SUPT3H: variants seen among roughly 807,000 people sequenced by gnomAD.
The protein encoded by SUPT3H is SPT3 homolog, SAGA and STAGA complex component, also known as transcription initiation protein SPT3 homolog.
SUPT3H carries 44 observed loss-of-function variants against 44.3 expected under a neutral mutation model. That is an observed-to-expected ratio of 0.99 (90% CI 0.78 to 1.28). SUPT3H has a LOEUF of 1.28. Among genes scored for constraint, SUPT3H ranks in the 50% most tolerant of loss-of-function variants. The pLI is 0.00. For synonymous variants in SUPT3H, 124 were observed against 125.6 expected, an observed-to-expected ratio of 0.99 and a Z score of 0.09; for missense variants, 380 against 387.1, an observed-to-expected ratio of 0.98 and a Z score of 0.15.
At position 44,932,653 on chromosome 6, in the gene SUPT3H, T is replaced by A. The variant is rs778747844; in HGVS notation, c.912A>T (p.Thr304=). 1.2e-6 allele frequency: 2 copies of A among 1,601,814 alleles called. No individual in the cohort carries two copies. The highest frequency in any genetic ancestry group is 1.7e-6 in the Non-Finnish European group (2 of 1,172,792). Residue 304 remains threonine (T), a splice_region_variant and synonymous_variant, in exon 10 of 11, where the codon ACA becomes ACT. Coordinates refer to ENST00000371459, the MANE Select transcript of SUPT3H (RefSeq NM_003599.4). Reference sequence around the variant, plus strand: ...TTTTTATAACTCTGTTATTACGTACTGTGAATGGGGAAAGTGGGCCAATCC... The same window carrying A: ...TTTTTATAACTCTGTTATTACGTACAGTGAATGGGGAAAGTGGGCCAATCC... The part of the protein sequence containing the change: ...SHRIGPLSPF[T]NAYRRNGMAF...
At chr6:44,835,184 C>T (rs1769599499) in intron 10 of SUPT3H, among the ~76,000 whole-genome samples, 1 of 152,072 alleles carries the variant, frequency 6.6e-6, no homozygotes, top group South Asian at 2.1e-4. Flanking sequence ...TGGCTATGCT[C>T]AGTATCTGAT....
At chr6:45,172,596 T>A (rs397832915) in intron 2 of SUPT3H, among the ~76,000 whole-genome samples, 403 of 3,864 alleles carry the variant, frequency 0.1, 3 homozygotes, top group African/African-American at 0.3. Context: ...TAGATATATT[T>A]TTTTTTTTTT....
chr6:44,829,972 A>G, intron 10 of SUPT3H, 115 bp from the exon 11 acceptor site: 1 of 893,028 alleles, frequency 1.1e-6, no homozygotes, highest in Non-Finnish European at 1.8e-6. Context: ...GCTACAATCT[A>G]ATAGAATGCT....
At chr6:45,020,124 A>G (rs1259561897) in intron 4 of SUPT3H, among the ~76,000 whole-genome samples, 1 of 152,020 alleles carries the variant, frequency 6.6e-6, no homozygotes, top group Non-Finnish European at 1.5e-5. Flanking sequence ...GTAGAGCTAC[A>G]GACTAAACTT....
Position 45,105,906 on chromosome 6 carries a change from T to C in SUPT3H, c.186+16A>G, listed in dbSNP as rs1246204888. 1.9e-6 allele frequency: 3 copies of C among 1,597,408 alleles called. No homozygotes were observed. The African/African-American group carries it at 4.0e-5, about 21-fold the overall frequency. On this transcript the variant is annotated intron_variant, in intron 3 of 10. Coordinates refer to ENST00000371459, the MANE Select transcript of SUPT3H (RefSeq NM_003599.4). ...TGCAGAGAAGAGAAACCAAATCAAA[T>C]TATATATGCTCTTACCAGATTAATT...
At chr6:45,068,496 G>A (rs939628720) in intron 3 of SUPT3H, among the ~76,000 whole-genome samples, 24 of 152,018 alleles carry the variant, frequency 1.6e-4, no homozygotes, top group Non-Finnish European at 2.8e-4. Flanking sequence ...GGGATGGGTA[G>A]AGATAAGGAT....
At chr6:44,958,938 C>T (rs561739854) in intron 7 of SUPT3H, among the ~76,000 whole-genome samples, 3 of 140,026 alleles carry the variant, frequency 2.1e-5, no homozygotes, top group Non-Finnish European at 3.0e-5. Context: ...TGCAATGGCG[C>T]GATCTCGGCT....
chr6:44,932,216 T>G (rs1340684100), intron 10 of SUPT3H, among the ~76,000 whole-genome samples: 19 of 152,184 alleles, frequency 1.2e-4, no homozygotes, highest in Non-Finnish European at 1.5e-5. Context: ...GCATTTCAGC[T>G]TAGTTCAAAG....
rs1205511889 is a variant in SUPT3H at position 45,355,138 on chromosome 6, C to CT, written c.101+10062dup. Among the ~76,000 whole-genome samples, 411 of 131,636 alleles carry CT rather than the reference C, an allele frequency of 3.1e-3. 4 individuals carry two copies. The highest frequency in any genetic ancestry group is 0.015 in the Middle Eastern group (4 of 260). The allele number at this position is 131,636 out of a possible 152,430, so 86.4% of individuals were successfully genotyped here. A position where few individuals can be genotyped will look rare whatever the true frequency, so the allele number is the denominator to read the frequency against. On this transcript the variant is annotated intron_variant, in intron 2 of 10. Transcript: ENST00000371459. ...CACAGGAGCATGCCAAAAGACCTGG[C>CT]TTTTTTTTTTTTTTTTAGAGATGGG...
chr6:45,373,456 T>C (rs1297427910), intron 1 of SUPT3H, among the ~76,000 whole-genome samples: 1 of 152,066 alleles, frequency 6.6e-6, no homozygotes, highest in Non-Finnish European at 1.5e-5. Context: ...ATGTTGGTTC[T>C]CCCTTAGCAG....
intron 2 of SUPT3H, among the ~76,000 whole-genome samples, chr6:45,117,424 A>T (rs574787232): frequency 3.9e-5 from 6 of 152,226 alleles, no homozygotes; most frequent in African/African-American, 1.4e-4. Flanking sequence ...ACTGATATCA[A>T]TTGTGAGCTC....
chr6:45,200,399 T>A (rs1410970869), intron 2 of SUPT3H, among the ~76,000 whole-genome samples: 1 of 151,504 alleles, frequency 6.6e-6, no homozygotes, highest in Non-Finnish European at 1.5e-5. Flanking sequence ...ATTACATTAA[T>A]AAAAAATTAA....
At chr6:44,975,902 T>C (rs920834057) in intron 6 of SUPT3H, among the ~76,000 whole-genome samples, 3 of 152,016 alleles carry the variant, frequency 2.0e-5, no homozygotes, top group African/African-American at 4.8e-5. Context: ...AAGGAAACAA[T>C]GCCACCAGTG....
chr6:44,937,896 CTATCTT>C (rs1771729367), intron 9 of SUPT3H, among the ~76,000 whole-genome samples: 3 of 128,474 alleles, frequency 2.3e-5, no homozygotes, highest in Non-Finnish European at 3.2e-5. Context: ...TCTTTGCTCA[CTATCTT>C]TTTTTTTTTT....
chr6:44,982,971 T>C (rs1779309974), intron 6 of SUPT3H, among the ~76,000 whole-genome samples: 1 of 152,114 alleles, frequency 6.6e-6, no homozygotes, highest in Non-Finnish European at 1.5e-5. Flanking sequence ...CCAATCACCA[T>C]GGGATTCACA....
chr6:45,248,050 CT>C (rs2153650976), intron 2 of SUPT3H, among the ~76,000 whole-genome samples: 1 of 152,196 alleles, frequency 6.6e-6, no homozygotes, highest in East Asian at 1.9e-4. Context: ...TTGACCCATA[CT>C]TTACAACTTA....
At position 45,002,028 on chromosome 6, in the gene SUPT3H, A is replaced by G. The variant is rs569958707; in HGVS notation, c.504+1625T>C. On this transcript the variant is annotated intron_variant, in intron 6 of 10. Transcript: ENST00000371459. ...AGCTACTCTGTTATGTTGGCCAGAG[A>G]AGATTTTTGTTATGATACAAAGCTT... 7.9e-5 allele frequency among the ~76,000 whole-genome samples: 12 copies of G among 152,184 alleles called. No individual in the cohort carries two copies. In the East Asian group the frequency reaches 2.1e-3, roughly 27 times the overall value.
chr6:45,370,938 A>G (rs752660520), intron 1 of SUPT3H, among the ~76,000 whole-genome samples: 2 of 152,198 alleles, frequency 1.3e-5, no homozygotes, highest in Non-Finnish European at 2.9e-5. Flanking sequence ...TTCTTTGCAA[A>G]AACAGTCCCT....
chr6:45,114,464 A>G (rs1034551308), intron 2 of SUPT3H, among the ~76,000 whole-genome samples: 1 of 152,174 alleles, frequency 6.6e-6, no homozygotes, highest in African/African-American at 2.4e-5. Flanking sequence ...TGTGTGAAAG[A>G]AATAGCTTTA....
Sources: allele counts gnomAD v4.1 joint callset (sites outside exome capture counted in the v4.1 genomes callset), GRCh38; gene constraint gnomAD v4.1.1; transcripts MANE v1.5; gene names NCBI Gene and HGNC (gene_info 2026-07-23, HGNC 2026-07-21).